Variants in XYLT1 observed in about 807,000 individuals in gnomAD.
XYLT1 encodes the protein beta-D-xylosyltransferase 1.
XYLT1 carries 36 observed loss-of-function variants against 91.3 expected under a neutral mutation model. That is an observed-to-expected ratio of 0.39 (90% CI 0.30 to 0.52). The LOEUF is 0.52. Ranked by LOEUF, XYLT1 falls within the 20% of genes least tolerant of loss-of-function variation. XYLT1 has a pLI of 0.68. For missense variants in XYLT1, 1,242 were observed against 1,284.5 expected (o/e 0.97, Z 0.51); for synonymous variants, 588 against 532.0 (o/e 1.11, Z -1.45).
At chr16:17,325,919 C>T (rs1419727725) in intron 2 of XYLT1, among the ~76,000 whole-genome samples, 1 of 152,164 alleles carries the variant, frequency 6.6e-6, no homozygotes, top group Non-Finnish European at 1.5e-5. Context: ...AGGGGAAAGC[C>T]CCTATGTTCA....
chr16:17,311,836 G>C (rs35878488), intron 2 of XYLT1, among the ~76,000 whole-genome samples: 1 of 151,646 alleles, frequency 6.6e-6, no homozygotes, highest in Non-Finnish European at 1.5e-5. Flanking sequence ...CATGGCAGCA[G>C]GCAAAAGGAA....
chr16:17,274,535 AAG>A (rs2141777329), intron 2 of XYLT1, among the ~76,000 whole-genome samples: 1 of 152,246 alleles, frequency 6.6e-6, no homozygotes, highest in East Asian at 1.9e-4. Flanking sequence ...AAAGAGAGGA[AAG>A]TAAGTATGAA....
At chr16:17,293,935 G>A (rs1215695619) in intron 2 of XYLT1, among the ~76,000 whole-genome samples, 5 of 152,196 alleles carry the variant, frequency 3.3e-5, no homozygotes, top group Non-Finnish European at 7.3e-5. Flanking sequence ...AGGGGTTCAT[G>A]CTCTGAGTAC....
chr16:17,366,705 A>G (rs1475016409), intron 1 of XYLT1, among the ~76,000 whole-genome samples: 1 of 152,110 alleles, frequency 6.6e-6, no homozygotes, highest in Non-Finnish European at 1.5e-5. Context: ...AAAACAAACA[A>G]ACAAACAAAC....
rs1298106036 is a variant in XYLT1, at chr16:17,259,509, G to A, written c.403-11C>T. The A allele has an allele frequency of 6.2e-7, 1 of 1,600,414 alleles. No individual in the cohort carries two copies. The highest frequency in any genetic ancestry group is 1.1e-5 in the South Asian group (1 of 90,924). The stretch of plus-strand genomic sequence containing the variant: ...AGAAAAGTAGCCATCCTGGAGAAGA[G>A]GGGAGAGAAACAGAAGAGAAACTTG... On this transcript the variant is annotated splice_polypyrimidine_tract_variant and intron_variant, in intron 2 of 11. Transcript: ENST00000261381.
chr16:17,314,705 G>A (rs2034600026), intron 2 of XYLT1, among the ~76,000 whole-genome samples: 1 of 152,294 alleles, frequency 6.6e-6, no homozygotes, highest in South Asian at 2.1e-4. Context: ...TAATCAAAGT[G>A]ATAGAGGAGA....
chr16:17,303,310 A>G (rs2034425148), intron 2 of XYLT1, among the ~76,000 whole-genome samples: 1 of 152,206 alleles, frequency 6.6e-6, no homozygotes, highest in South Asian at 2.1e-4. Flanking sequence ...GTTCATTTGC[A>G]TATTATCTAC....
chr16:17,357,154 G>A (rs2035308248), intron 2 of XYLT1, among the ~76,000 whole-genome samples: 1 of 115,090 alleles, frequency 8.7e-6, no homozygotes, highest in African/African-American at 3.4e-5. Context: ...TCCAGCCTGG[G>A]CAACAGAGAC....
At chr16:17,125,124 T>C (rs1393801135) in intron 10 of XYLT1, among the ~76,000 whole-genome samples, 1 of 152,214 alleles carries the variant, frequency 6.6e-6, no homozygotes. Context: ...CCATTGCTGG[T>C]GAGCTAGTGT....
chr16:17,389,680 G>A (rs1184826210), intron 1 of XYLT1, among the ~76,000 whole-genome samples: 8 of 152,150 alleles, frequency 5.3e-5, no homozygotes, highest in Admixed American at 1.3e-4. Flanking sequence ...AGTCCCTGGC[G>A]ATTGAGAAGT....
intron 5 of XYLT1, among the ~76,000 whole-genome samples, chr16:17,164,708 C>T (rs1567303615): frequency 2.0e-5 from 3 of 152,140 alleles, no homozygotes; most frequent in Non-Finnish European, 4.4e-5. Flanking sequence ...GAATTTCTTT[C>T]CTTTTTAAGG....
intron 5 of XYLT1, among the ~76,000 whole-genome samples, chr16:17,184,250 G>T (rs1025320561): frequency 6.9e-6 from 1 of 144,516 alleles, no homozygotes; most frequent in South Asian, 2.2e-4. Flanking sequence ...GAAGATGCCA[G>T]GGTTGGAAAC....
chr16:17,301,934 C>T (rs538838533), intron 2 of XYLT1, among the ~76,000 whole-genome samples: 8 of 152,070 alleles, frequency 5.3e-5, no homozygotes, highest in East Asian at 1.9e-4. Flanking sequence ...TGTCAGGGCT[C>T]GGCACAGTGG....
intron 1 of XYLT1, among the ~76,000 whole-genome samples, chr16:17,460,179 T>G (rs1168441458): frequency 1.3e-5 from 2 of 152,114 alleles, no homozygotes; most frequent in Non-Finnish European, 2.9e-5. Flanking sequence ...AATGTTCTAC[T>G]TTTCCACCTC....
At chr16:17,412,637 C>G (rs918401644) in intron 1 of XYLT1, among the ~76,000 whole-genome samples, 1 of 152,084 alleles carries the variant, frequency 6.6e-6, no homozygotes, top group Non-Finnish European at 1.5e-5. Flanking sequence ...TCTAAGACAT[C>G]AAAGTTCTTT....
intron 2 of XYLT1, among the ~76,000 whole-genome samples, chr16:17,343,580 C>T (rs1048347275): frequency 4.6e-5 from 7 of 152,182 alleles, no homozygotes; most frequent in Non-Finnish European, 1.0e-4. Context: ...AAGTGATCCT[C>T]CCACCTCAGC....
chr16:17,343,445 T>C (rs1358665884), intron 2 of XYLT1, among the ~76,000 whole-genome samples: 1 of 152,092 alleles, frequency 6.6e-6, no homozygotes, highest in African/African-American at 2.4e-5. Context: ...TGCCTCAAGG[T>C]TGTGCTGGCG....
chr16:17,223,612 A>C (rs1328032009), intron 3 of XYLT1, among the ~76,000 whole-genome samples: 2 of 152,206 alleles, frequency 1.3e-5, no homozygotes, highest in African/African-American at 4.8e-5. Flanking sequence ...CTGTGTGTTG[A>C]AGATAGTGGA....
intron 10 of XYLT1, among the ~76,000 whole-genome samples, chr16:17,121,442 C>T (rs1340790392): frequency 6.6e-6 from 1 of 152,176 alleles, no homozygotes. Flanking sequence ...GGAAGTCCAC[C>T]ACCATCCACT....
Sources: allele counts gnomAD v4.1 joint callset (sites outside exome capture counted in the v4.1 genomes callset), GRCh38; gene constraint gnomAD v4.1.1; transcripts MANE v1.5; gene names NCBI Gene and HGNC (gene_info 2026-07-23, HGNC 2026-07-21).